DDX10: variants seen among roughly 807,000 people sequenced by gnomAD.
DDX10 encodes probable ATP-dependent RNA helicase DDX10.
In DDX10, 74 loss-of-function variants were observed where a neutral mutation model predicts 104.3. That is an observed-to-expected ratio of 0.71 (90% CI 0.59 to 0.86). The LOEUF (loss-of-function observed/expected upper bound fraction) is 0.86, where lower values mean the gene tolerates loss of function less well. DDX10 is among the 40% of genes least tolerant of loss of function. The pLI is 0.00. For missense variants in DDX10, 952 were observed against 1,040.0 expected (o/e 0.92, Z 1.16); for synonymous variants, 351 against 353.4 (o/e 0.99, Z 0.08).
intron 16 of DDX10, among the ~76,000 whole-genome samples, chr11:108,890,887 G>A (rs1863367317): frequency 6.6e-6 from 1 of 152,098 alleles, no homozygotes; most frequent in South Asian, 2.1e-4. Flanking sequence ...TGAGGTTAAG[G>A]TTTAGCTCTG....
chr11:108,861,428 G>A (rs1468349303), intron 16 of DDX10, among the ~76,000 whole-genome samples: 2 of 152,082 alleles, frequency 1.3e-5, no homozygotes, highest in African/African-American at 4.8e-5. Flanking sequence ...GAATTGTAGG[G>A]TAGATAAATT....
Position 108,688,790 on chromosome 11 carries a change from T to G in DDX10, c.849-146T>G, listed in dbSNP as rs570261370. On this transcript the variant is annotated intron_variant, in intron 6 of 17. Transcript: ENST00000322536. ...GTTGAATTTGTTTCCTAAGGGACAA[T>G]AGAGAAAAATTCTTTTTTTGGTGTA... The G allele has an allele frequency of 1.3e-5, 9 of 714,982 alleles. No homozygotes were observed. The East Asian group carries it at 2.4e-4, about 19-fold the overall frequency. The allele number at this position is 714,982 out of a possible 1,614,324, so 44.3% of individuals were successfully genotyped here. A position where few individuals can be genotyped will look rare whatever the true frequency, so the allele number is the denominator to read the frequency against.
chr11:108,838,324 T>C, intron 13 of DDX10, 122 bp from the exon 14 acceptor site: 4 of 1,046,736 alleles, frequency 3.8e-6, no homozygotes, highest in Non-Finnish European at 5.4e-6. Context: ...TTTTCAATGC[T>C]TCTCATTAGC....
intron 13 of DDX10, among the ~76,000 whole-genome samples, chr11:108,729,607 T>A (rs1327202259): frequency 6.6e-6 from 1 of 151,138 alleles, no homozygotes; most frequent in Non-Finnish European, 1.5e-5. Context: ...CCATTAAACA[T>A]ATGATGCCTG....
intron 1 of DDX10, among the ~76,000 whole-genome samples, chr11:108,670,374 A>G (rs1417879300): frequency 6.6e-6 from 1 of 152,138 alleles, no homozygotes; most frequent in Non-Finnish European, 1.5e-5. Flanking sequence ...AGCAGCAGGT[A>G]GGAAGGTAGG....
intron 16 of DDX10, among the ~76,000 whole-genome samples, chr11:108,856,007 A>G (rs537881089): frequency 1.3e-5 from 2 of 152,308 alleles, no homozygotes; most frequent in Non-Finnish European, 2.9e-5. Context: ...GTTTTTATTT[A>G]TACTTAACAA....
At chr11:108,859,235 A>G (rs1214964773) in intron 16 of DDX10, among the ~76,000 whole-genome samples, 2 of 152,216 alleles carry the variant, frequency 1.3e-5, no homozygotes, top group Non-Finnish European at 2.9e-5. Context: ...TTTTTCAGGA[A>G]ACAAGTCAAA....
chr11:108,913,343 T>A (rs917369326), intron 16 of DDX10, among the ~76,000 whole-genome samples: 1 of 152,042 alleles, frequency 6.6e-6, no homozygotes, highest in Non-Finnish European at 1.5e-5. Context: ...TTCTTTTGAG[T>A]CTCTGATTAG....
intron 17 of DDX10, among the ~76,000 whole-genome samples, chr11:108,924,400 A>G (rs1863881350): frequency 6.6e-6 from 1 of 152,206 alleles, no homozygotes; most frequent in Non-Finnish European, 1.5e-5. Context: ...TTTAGACCTG[A>G]TAACTTCTTT....
At chr11:108,858,830 TG>T (rs1157535970) in intron 16 of DDX10, among the ~76,000 whole-genome samples, 3 of 152,186 alleles carry the variant, frequency 2.0e-5, no homozygotes, top group African/African-American at 7.2e-5. Flanking sequence ...TGTATGGTAC[TG>T]TATGGGTGGT....
chr11:108,712,468 T>C (rs1289495535), intron 10 of DDX10, among the ~76,000 whole-genome samples: 9 of 152,142 alleles, frequency 5.9e-5, no homozygotes, highest in Non-Finnish European at 1.3e-4. Flanking sequence ...TTTTCACTTT[T>C]TTTAGTGATT....
chr11:108,782,526 C>T (rs1482609281), intron 13 of DDX10, among the ~76,000 whole-genome samples: 1 of 152,100 alleles, frequency 6.6e-6, no homozygotes, highest in Non-Finnish European at 1.5e-5. Flanking sequence ...ACTCATCTAC[C>T]ATATCCTTAT....
intron 15 of DDX10, among the ~76,000 whole-genome samples, chr11:108,850,379 A>C (rs1486558456): frequency 1.3e-5 from 2 of 152,040 alleles, no homozygotes; most frequent in African/African-American, 4.8e-5. Context: ...TAAATGGAAA[A>C]CCCCAGCATG....
chr11:108,854,651 CT>C (rs1862840964), intron 16 of DDX10, among the ~76,000 whole-genome samples: 1 of 152,120 alleles, frequency 6.6e-6, no homozygotes, highest in African/African-American at 2.4e-5. Flanking sequence ...ACTCACGTAG[CT>C]GTCTTTCTAC....
Position 108,684,575 on chromosome 11 carries a change from C to T in DDX10, c.849-4361C>T, listed in dbSNP as rs1370714597. Among the ~76,000 whole-genome samples, 496 of 144,742 alleles carry T rather than the reference C, an allele frequency of 3.4e-3. 9 individuals are homozygous for T. The highest frequency in any genetic ancestry group is 2.1e-3 in the Non-Finnish European group (136 of 66,120). The allele number at this position is 144,742 out of a possible 152,430, so 95.0% of individuals were successfully genotyped here. A position where few individuals can be genotyped will look rare whatever the true frequency, so the allele number is the denominator to read the frequency against. On this transcript the variant is annotated intron_variant, in intron 6 of 17. Coordinates refer to ENST00000322536, the MANE Select transcript of DDX10 (RefSeq NM_004398.4). ...ATAGTATTCCATGGTGTATATGTGC[C>T]ACATTTTCTTAATCCAGTCTATCAT...
At chr11:108,741,571 C>T (rs572012414) in intron 13 of DDX10, among the ~76,000 whole-genome samples, 14 of 151,980 alleles carry the variant, frequency 9.2e-5, no homozygotes, top group South Asian at 2.1e-4. Flanking sequence ...TTGTTTTGGA[C>T]GGGATTGCAT....
chr11:108,674,614 G>C (rs2094221532), intron 2 of DDX10, among the ~76,000 whole-genome samples: 2 of 151,888 alleles, frequency 1.3e-5, no homozygotes. Flanking sequence ...GGGCTCAAGT[G>C]ATCCTCCCAT....
chr11:108,839,467 A>G (rs549319648), intron 14 of DDX10, among the ~76,000 whole-genome samples: 10 of 152,332 alleles, frequency 6.6e-5, no homozygotes, highest in Non-Finnish European at 1.2e-4. Context: ...TGTCCCCAGC[A>G]CCTAGAAAGG....
intron 10 of DDX10, 65 bp from the exon 11 acceptor site, chr11:108,715,814 G>C: frequency 1.3e-6 from 1 of 784,872 alleles, no homozygotes; most frequent in South Asian, 1.6e-5. Context: ...GGAAAATGCT[G>C]CTTACTATTT....
Sources: allele counts gnomAD v4.1 joint callset (sites outside exome capture counted in the v4.1 genomes callset), GRCh38; gene constraint gnomAD v4.1.1; transcripts MANE v1.5; gene names NCBI Gene and HGNC (gene_info 2026-07-23, HGNC 2026-07-21).